Variants in SAMSN1 observed in about 807,000 individuals in gnomAD.
SAMSN1 encodes the protein SAM domain, SH3 domain and nuclear localization signals 1.
A neutral mutation model predicts 42.0 loss-of-function variants in SAMSN1; 31 were observed. That is an observed-to-expected ratio of 0.74 (90% confidence interval 0.55 to 1.00). SAMSN1 has a LOEUF of 1.00. SAMSN1 is among the 50% of genes least tolerant of loss of function. The pLI, the probability that SAMSN1 is intolerant of heterozygous loss-of-function variation, is 0.00. For missense variants in SAMSN1, 464 were observed against 439.4 expected (o/e 1.06, Z -0.50); for synonymous variants, 178 against 151.9 (o/e 1.17, Z -1.26).
chr21:14,658,819 G>C lies in SAMSN1; in HGVS notation c.-48C>G, dbSNP rs60792477. ...TTGCCCTGCTTTGAAAAATATGATTGCCTCTTGTAGCTCTCTCTTGCCTTC... is the reference window on the plus strand; with the variant it reads ...TTGCCCTGCTTTGAAAAATATGATTCCCTCTTGTAGCTCTCTCTTGCCTTC... On this transcript the variant is annotated 5_prime_UTR_variant, in exon 1 of 16. Transcript: ENST00000647101. 365 of 714,512 alleles carry C rather than the reference G, an allele frequency of 5.1e-4. 1 individual carries two copies. The highest frequency in any genetic ancestry group is 4.8e-3 in the African/African-American group (273 of 57,182). 44.3% of individuals were successfully genotyped at this position (714,512 alleles called of 1,614,324 possible).
At chr21:14,605,996 C>T (rs9980506) in intron 5 of SAMSN1, among the ~76,000 whole-genome samples, 1,703 of 151,874 alleles carry the variant, frequency 0.011, 24 homozygotes, top group African/African-American at 0.038. Flanking sequence ...CGCCCGCCAC[C>T]ACGCCCGGCT....
At chr21:14,574,699 G>T (rs1224062537) in intron 2 of SAMSN1, among the ~76,000 whole-genome samples, 1 of 152,084 alleles carries the variant, frequency 6.6e-6, no homozygotes, top group Admixed American at 6.6e-5. Flanking sequence ...CACTTACAGA[G>T]AAATTACATT....
At chr21:14,541,997 A>AAAGG (rs1250578131) in intron 1 of SAMSN1, among the ~76,000 whole-genome samples, 1 of 151,808 alleles carries the variant, frequency 6.6e-6, no homozygotes, top group Non-Finnish European at 1.5e-5. Flanking sequence ...GAAAAAAAAA[A>AAAGG]AAGGAAGGAA....
At chr21:14,525,063 A>T (rs1051081158) in intron 1 of SAMSN1, among the ~76,000 whole-genome samples, 2 of 152,198 alleles carry the variant, frequency 1.3e-5, no homozygotes, top group African/African-American at 4.8e-5. Context: ...GATGAGGGGA[A>T]ATTGTTCTGT....
chr21:14,624,489 C>G (rs964677097), intron 2 of SAMSN1, among the ~76,000 whole-genome samples: 1 of 152,180 alleles, frequency 6.6e-6, no homozygotes, highest in Non-Finnish European at 1.5e-5. Context: ...TCAGAGAATA[C>G]TATAAACACC....
chr21:14,577,991 A>C (rs1425117981), intron 2 of SAMSN1, among the ~76,000 whole-genome samples: 3 of 152,192 alleles, frequency 2.0e-5, no homozygotes, highest in African/African-American at 7.2e-5. Context: ...GCCCTTGACA[A>C]ATAATACATT....
chr21:14,570,818 TCAA>T (rs1981275587), intron 2 of SAMSN1, among the ~76,000 whole-genome samples: 3 of 152,246 alleles, frequency 2.0e-5, no homozygotes, highest in Admixed American at 2.0e-4. Context: ...CCTCAACAAA[TCAA>T]CAAGAAATAT....
Position 14,577,256 on chromosome 21 carries a change from ATATATATATATATATATATATATATATAT to A in SAMSN1, c.261+4851_261+4879del, listed in dbSNP as rs1226223326. ...TATGTGTGTATATATATATATATATATATATATATATATATATATATATATATATTTTTTTTTTAGAAGAGACAGGGTTT... is the reference window on the plus strand; with the variant it reads ...TATGTGTGTATATATATATATATATATTTTTTTTTAGAAGAGACAGGGTTT... On this transcript the variant is annotated intron_variant, in intron 2 of 8. Coordinates refer to the SAMSN1 transcript ENST00000285670. 1.8e-4 allele frequency among the ~76,000 whole-genome samples: 7 copies of A among 39,564 alleles called. 1 individual carries two copies. The highest frequency in any genetic ancestry group is 1.3e-3 in the African/African-American group (7 of 5,408). 26.0% of individuals were successfully genotyped at this position (39,564 alleles called of 152,430 possible).
intron 1 of SAMSN1, among the ~76,000 whole-genome samples, chr21:14,532,249 G>A (rs921769884): frequency 6.6e-6 from 1 of 152,190 alleles, no homozygotes; most frequent in African/African-American, 2.4e-5. Context: ...GCCACCTGAG[G>A]TTGAGTGCTG....
At chr21:14,650,347 C>A (rs925016297) in intron 1 of SAMSN1, among the ~76,000 whole-genome samples, 2 of 151,992 alleles carry the variant, frequency 1.3e-5, no homozygotes, top group Non-Finnish European at 2.9e-5. Flanking sequence ...CTTCTCTTAC[C>A]ACAATGGAAT....
intron 2 of SAMSN1, among the ~76,000 whole-genome samples, chr21:14,555,310 G>A (rs1980729928): frequency 6.6e-6 from 1 of 151,930 alleles, no homozygotes; most frequent in Non-Finnish European, 1.5e-5. Flanking sequence ...GTCTCTTTAG[G>A]TTTGCATCTT....
In SAMSN1 at chr21:14,546,178, A is replaced by T. The variant is rs368338874; in HGVS notation, c.57+27T>A. 145 of 1,583,770 alleles carry T rather than the reference A, an allele frequency of 9.2e-5. 1 individual carries two copies. The South Asian group carries it at 1.3e-3, about 15-fold the overall frequency. On this transcript the variant is annotated intron_variant, in intron 1 of 7. Coordinates refer to ENST00000400566, the MANE Select transcript of SAMSN1 (RefSeq NM_022136.5). ...ATTTTCTATTAAATAGTTTGATTTT[A>T]TTTAACTATGTATGAAATCACCTTA...
At position 14,622,454 on chromosome 21, in the gene SAMSN1, T is replaced by C. The variant is rs1180839693; in HGVS notation, c.157-6438A>G. Among the ~76,000 whole-genome samples, 3 of 152,298 alleles carry C rather than the reference T, an allele frequency of 2.0e-5. No homozygotes were observed. In the East Asian group the frequency reaches 5.8e-4, roughly 29 times the overall value. On this transcript the variant is annotated intron_variant, in intron 2 of 15. Transcript: ENST00000647101. ...GACCTGATGGAGCTGAAAACCATGG[T>C]ACAAGAACTACGTGACGAATCCACA...
At chr21:14,539,290 C>A (rs1383431432) in intron 1 of SAMSN1, among the ~76,000 whole-genome samples, 1 of 152,132 alleles carries the variant, frequency 6.6e-6, no homozygotes, top group Non-Finnish European at 1.5e-5. Flanking sequence ...AAGTTCTGGC[C>A]AGCGCAATCA....
intron 1 of SAMSN1, among the ~76,000 whole-genome samples, chr21:14,536,203 T>G (rs1019437162): frequency 6.6e-6 from 1 of 152,114 alleles, no homozygotes; most frequent in East Asian, 1.9e-4. Flanking sequence ...ATGTAAAGCA[T>G]GGACTTGATT....
rs76934210 is a variant in SAMSN1, at chr21:14,497,940, G to A, written c.919+502C>T. On this transcript the variant is annotated intron_variant, in intron 7 of 7. Coordinates refer to ENST00000400566, the MANE Select transcript of SAMSN1 (RefSeq NM_022136.5). ...GAACCATCTCAGATAATAAAAGTGA[G>A]TGCTGAATATTTTTGCAAGCTATTA... Among the ~76,000 whole-genome samples, 423 of 152,306 alleles carry A rather than the reference G, an allele frequency of 2.8e-3. 3 individuals carry two copies. The highest frequency in any genetic ancestry group is 9.5e-3 in the African/African-American group (395 of 41,562).
intron 1 of SAMSN1, among the ~76,000 whole-genome samples, chr21:14,545,083 T>C (rs903589461): frequency 1.3e-5 from 2 of 152,140 alleles, no homozygotes; most frequent in African/African-American, 2.4e-5. Flanking sequence ...CATTTTAAAC[T>C]AAAGATGCTT....
intron 2 of SAMSN1, among the ~76,000 whole-genome samples, chr21:14,638,318 C>T (rs148424657): frequency 1.3e-4 from 20 of 152,202 alleles, no homozygotes; most frequent in Non-Finnish European, 2.9e-4. Flanking sequence ...ATGTTTTACT[C>T]ATTTTTTATA....
Position 14,498,597 on chromosome 21 carries a change from AAG to A in SAMSN1, c.769-7_769-6del. On this transcript the variant is annotated splice_region_variant and splice_polypyrimidine_tract_variant and intron_variant, in intron 6 of 7. Coordinates refer to ENST00000400566, the MANE Select transcript of SAMSN1 (RefSeq NM_022136.5). The stretch of plus-strand genomic sequence containing the variant: ...CAAAAGTGTTGAGGTGTATTCCTGT[AAG>A]ACAAAAAATATAAAGCAAATTAGTC... The A allele has an allele frequency of 6.4e-7, 1 of 1,552,074 alleles. No homozygotes were observed. The highest frequency in any genetic ancestry group is 8.6e-7 in the Non-Finnish European group (1 of 1,158,722).
Sources: allele counts gnomAD v4.1 joint callset (sites outside exome capture counted in the v4.1 genomes callset), GRCh38; gene constraint gnomAD v4.1.1; transcripts MANE v1.5; gene names NCBI Gene and HGNC (gene_info 2026-07-23, HGNC 2026-07-21).